The following UXS1 variants were observed in gnomAD, a reference collection of about 807,000 sequenced individuals.
UXS1 encodes the protein UDP-glucuronic acid decarboxylase 1.
UXS1 carries 33 observed loss-of-function variants against 62.6 expected under a neutral mutation model. The observed-to-expected ratio is 0.53, with a 90% CI of 0.40 to 0.70. UXS1 has a LOEUF of 0.70. UXS1 is among the 30% of genes least tolerant of loss of function. UXS1 has a pLI of 0.00. For synonymous variants in UXS1, 213 were observed against 206.8 expected, an observed-to-expected ratio of 1.03 and a Z score of -0.26; for missense variants, 434 against 556.3, an observed-to-expected ratio of 0.78 and a Z score of 2.21.
At chr2:106,138,778 G>T (rs1486114702) in intron 6 of UXS1, 7 of 985,338 alleles carry the variant, frequency 7.1e-6, no homozygotes, top group Non-Finnish European at 8.4e-6. Flanking sequence ...TCCCATTTGA[G>T]AGGAAACTGA....
intron 6 of UXS1, among the ~76,000 whole-genome samples, chr2:106,142,829 G>T (rs1413317994): frequency 6.6e-6 from 1 of 152,070 alleles, no homozygotes; most frequent in African/African-American, 2.4e-5. Context: ...GCCAACTGAG[G>T]GAACGCAATA....
intron 4 of UXS1, among the ~76,000 whole-genome samples, chr2:106,162,065 G>A (rs1234380565): frequency 2.6e-5 from 4 of 152,040 alleles, no homozygotes; most frequent in East Asian, 1.9e-4. Flanking sequence ...AATTTCCACC[G>A]TCACGCTTTT....
chr2:106,158,910 G>A (rs1373676063), intron 4 of UXS1, among the ~76,000 whole-genome samples: 1 of 152,206 alleles, frequency 6.6e-6, no homozygotes, highest in Non-Finnish European at 1.5e-5. Flanking sequence ...CAGACTAAGA[G>A]ATGTCACCCG....
chr2:106,112,142 C>A (rs185697365), intron 10 of UXS1, among the ~76,000 whole-genome samples: 1 of 152,306 alleles, frequency 6.6e-6, no homozygotes. Flanking sequence ...CTTGGACCAC[C>A]GACCACAGAT....
intron 14 of UXS1, among the ~76,000 whole-genome samples, chr2:106,096,313 T>C (rs910074306): frequency 2.0e-5 from 3 of 151,688 alleles, no homozygotes; most frequent in African/African-American, 7.3e-5. Context: ...TATATGTATG[T>C]GTGAAAATGA....
chr2:106,113,148 T>C (rs1038911115), intron 9 of UXS1, among the ~76,000 whole-genome samples: 5 of 152,232 alleles, frequency 3.3e-5, no homozygotes, highest in African/African-American at 9.6e-5. Context: ...TTTCACATAA[T>C]ATATTGTGCA....
chr2:106,170,137 T>A (rs1460729671), intron 1 of UXS1, among the ~76,000 whole-genome samples: 4 of 152,116 alleles, frequency 2.6e-5, no homozygotes, highest in Non-Finnish European at 2.9e-5. Context: ...GCTTCGCCAC[T>A]CAGACCTCCA....
At chr2:106,185,042 T>C (rs777688070) in intron 1 of UXS1, among the ~76,000 whole-genome samples, 11 of 152,180 alleles carry the variant, frequency 7.2e-5, no homozygotes, top group Non-Finnish European at 1.0e-4. Flanking sequence ...TTAAATCAAG[T>C]TTATGTCAGG....
intron 12 of UXS1, 83 bp downstream of exon 12, chr2:106,100,975 A>G: frequency 6.5e-7 from 1 of 1,547,532 alleles, no homozygotes; most frequent in East Asian, 2.2e-5. Flanking sequence ...TGGCAAATGA[A>G]GCAAAGCCTG....
At chr2:106,160,519 C>T (rs1558739079) in intron 4 of UXS1, 2 of 152,228 alleles carry the variant, frequency 1.3e-5, no homozygotes, top group African/African-American at 2.4e-5. Flanking sequence ...TATGGGAAAA[C>T]GCGGTGCAGG....
chr2:106,123,546 T>C (rs1048005237), intron 8 of UXS1, among the ~76,000 whole-genome samples: 2 of 152,114 alleles, frequency 1.3e-5, no homozygotes, highest in African/African-American at 2.4e-5. Context: ...GCAGAACAAA[T>C]CTGGGACCCG....
intron 12 of UXS1, 35 bp downstream of exon 12, chr2:106,101,023 G>A: frequency 6.2e-7 from 1 of 1,613,202 alleles, no homozygotes; most frequent in South Asian, 1.1e-5. Flanking sequence ...GAAAGTCTGA[G>A]CTGTCCTGCA....
Position 106,096,351 on chromosome 2 carries a change from GTGTT to G in UXS1, c.1146+363_1146+366del, listed in dbSNP as rs558906653. On this transcript the variant is annotated intron_variant, in intron 14 of 14. Coordinates refer to ENST00000283148, the MANE Select transcript of UXS1 (RefSeq NM_001253875.2). ...GTGTGTGAGTATACTTGTATTAAGT[GTGTT>G]TGTATGACAGTGTATATATGACAGT... is the stretch of plus-strand genomic sequence containing the variant. 7.3e-4 allele frequency among the ~76,000 whole-genome samples: 111 copies of G among 152,188 alleles called. 1 individual carries two copies. Among genetic ancestry groups the G allele is most frequent in the Non-Finnish European group, 1.2e-3 (81 of 68,026 alleles).
intron 1 of UXS1, among the ~76,000 whole-genome samples, chr2:106,172,049 C>G (rs1683596656): frequency 6.6e-6 from 1 of 152,260 alleles, no homozygotes; most frequent in African/African-American, 2.4e-5. Context: ...CCTCCATCCC[C>G]CATTCATTCA....
chr2:106,104,250 G>A (rs1025539112), intron 11 of UXS1, among the ~76,000 whole-genome samples: 1 of 152,144 alleles, frequency 6.6e-6, no homozygotes, highest in African/African-American at 2.4e-5. Context: ...ATCACCAACG[G>A]AATGGAACAA....
rs563563033 is a variant in UXS1, at chr2:106,167,884, G to A, written c.95-1801C>T. On this transcript the variant is annotated intron_variant, in intron 1 of 14. Coordinates refer to ENST00000283148, the MANE Select transcript of UXS1 (RefSeq NM_001253875.2). ...CACCATAAGATACAGGTCATGGGCC[G>A]GGCACTGTGGCTCACACCTGTAATC... Among the ~76,000 whole-genome samples, 70 of 152,218 alleles carry A rather than the reference G, an allele frequency of 4.6e-4. 1 individual carries two copies. The highest frequency in any genetic ancestry group is 6.8e-3 in the Middle Eastern group (2 of 294).
intron 1 of UXS1, chr2:106,179,529 A>G (rs1309121554): frequency 6.6e-6 from 1 of 152,252 alleles, no homozygotes; most frequent in Non-Finnish European, 1.5e-5. Flanking sequence ...ATTACAGAGG[A>G]AATGGAAGAT....
chr2:106,139,531 T>C (rs571106337), intron 6 of UXS1, among the ~76,000 whole-genome samples: 2 of 152,074 alleles, frequency 1.3e-5, no homozygotes, highest in East Asian at 1.9e-4. Context: ...GACACATACA[T>C]AGGGAAGAAA....
rs190986042 is a variant in UXS1, at chr2:106,145,157, T to C, written c.472+33A>G. Reference sequence around the variant, plus strand: ...GCTCTGGCAAGGCCACCTGCGGAGCTCTGAATAATAACAATGTGCAGTTTT... The same window carrying C: ...GCTCTGGCAAGGCCACCTGCGGAGCCCTGAATAATAACAATGTGCAGTTTT... On this transcript the variant is annotated intron_variant, in intron 6 of 14. Coordinates refer to ENST00000283148, the MANE Select transcript of UXS1 (RefSeq NM_001253875.2). 24 of 1,599,900 alleles carry C rather than the reference T, an allele frequency of 1.5e-5. No individual in the cohort carries two copies. The African/African-American group carries it at 3.1e-4, about 20-fold the overall frequency.
Sources: gnomAD v4.1 joint callset for allele counts (sites outside exome capture counted in the v4.1 genomes callset) on GRCh38, gnomAD v4.1.1 for gene constraint, MANE v1.5 for transcripts, NCBI Gene and HGNC (gene_info 2026-07-23, HGNC 2026-07-21) for gene names.